MINDY1: variants seen among roughly 807,000 people sequenced by gnomAD.
MINDY1 encodes the protein ubiquitin carboxyl-terminal hydrolase MINDY-1.
Under a neutral mutation model 53.6 loss-of-function variants are expected in MINDY1, and 50 were observed. The ratio of observed to expected loss-of-function variants is 0.93; its 90% CI spans 0.74 to 1.18. The LOEUF (loss-of-function observed/expected upper bound fraction) is 1.18, where lower values mean the gene tolerates loss of function less well. MINDY1 is among the 50% of genes most tolerant of loss of function. MINDY1 has a pLI of 0.00. For synonymous variants in MINDY1, 231 were observed against 234.7 expected, an observed-to-expected ratio of 0.98 and a Z score of 0.14; for missense variants, 484 against 578.6, an observed-to-expected ratio of 0.84 and a Z score of 1.68.
chr1:151,001,392 G>C, intron 3 of MINDY1, 78 bp from the exon 4 acceptor site: 6 of 1,465,034 alleles, frequency 4.1e-6, no homozygotes, highest in Non-Finnish European at 5.7e-6. Flanking sequence ...TGGAGAATGC[G>C]GGTAATGTCA....
At chr1:151,003,757 T>C (rs1672822869) in intron 1 of MINDY1, among the ~76,000 whole-genome samples, 1 of 151,878 alleles carries the variant, frequency 6.6e-6, no homozygotes, top group South Asian at 2.1e-4. Context: ...CAACTTTTCC[T>C]CAGTTCATTT....
At chr1:150,998,807 TC>T (rs986160633) in intron 7 of MINDY1, among the ~76,000 whole-genome samples, 1 of 152,078 alleles carries the variant, frequency 6.6e-6, no homozygotes, top group African/African-American at 2.4e-5. Flanking sequence ...AAGACCCTGC[TC>T]CCCCCATTTC....
At position 151,000,606 on chromosome 1, in the gene MINDY1, C is replaced by T. The variant is rs933131379; in HGVS notation, c.586G>A (p.Asp196Asn). The T allele has an allele frequency of 1.2e-6, 2 of 1,609,274 alleles. No homozygotes were observed. Among genetic ancestry groups the T allele is most frequent in the African/African-American group, 1.3e-5 (1 of 74,610 alleles). ...LQLNFQQNVD[D>N]AMTVLPKLAT... ...AGTTTAGGCAGCACTGTCATTGCAT[C>T]ATCCACATTCTGGGGGTAGAAAAAA... Residue 196 changes from aspartate to asparagine, a missense_variant, in exon 5 of 10, where the codon GAT becomes AAT. Transcript: ENST00000683666.
chr1:151,007,001 A>C (rs1234180653), upstream of MINDY1: 1 of 541,348 alleles, frequency 1.8e-6, no homozygotes, highest in Non-Finnish European at 2.4e-6. Context: ...TGGGTATGGC[A>C]GTCCTTTGCT....
chr1:151,001,838 A>C, intron 2 of MINDY1, 56 bp from the exon 3 acceptor site: 3 of 1,552,416 alleles, frequency 1.9e-6, no homozygotes, highest in Non-Finnish European at 2.6e-6. Context: ...CACTGAAGGA[A>C]GAACCCATGG....
At chr1:151,005,838 CTGGAATTATGG>C (rs1673134839) in intron 1 of MINDY1, among the ~76,000 whole-genome samples, 1 of 152,186 alleles carries the variant, frequency 6.6e-6, no homozygotes, top group African/African-American at 2.4e-5. Context: ...TTCTCTCCAG[CTGGAATTATGG>C]TGGTGAGTGA....
At position 150,999,351 on chromosome 1, in the gene MINDY1, C is replaced by A; in HGVS notation, c.981+18G>T. 2 of 1,613,362 alleles carry A rather than the reference C, an allele frequency of 1.2e-6. No individual in the cohort carries two copies. Among genetic ancestry groups the A allele is most frequent in the Non-Finnish European group, 1.7e-6 (2 of 1,179,452 alleles). Reference sequence around the variant, plus strand: ...GAAATGACAGCACCGCAGCACGCCACCCCCAAACTCGCATTACCTTATGCT... The same window carrying A: ...GAAATGACAGCACCGCAGCACGCCAACCCCAAACTCGCATTACCTTATGCT... On this transcript the variant is annotated intron_variant, in intron 7 of 9. Coordinates refer to ENST00000683666, the MANE Select transcript of MINDY1 (RefSeq NM_001376665.1). This position sits in a 1 kb window ranked among gnomAD's most constrained non-coding sequence, Gnocchi z 4.4.
intron 2 of MINDY1, 62 bp from the exon 3 acceptor site, chr1:151,001,844 C>T: frequency 6.5e-7 from 1 of 1,538,524 alleles, no homozygotes; most frequent in Non-Finnish European, 8.7e-7. Context: ...AGGAAGAACC[C>T]ATGGAAAGGC....
chr1:150,999,625 A>T lies in MINDY1; in HGVS notation c.839-114T>A. On this transcript the variant is annotated intron_variant, in intron 6 of 9. Coordinates refer to ENST00000683666, the MANE Select transcript of MINDY1 (RefSeq NM_001376665.1). The surrounding 1 kb of genome is among the most constrained non-coding windows in gnomAD (Gnocchi z 4.4). ...CCCGGGGGGTCAGTCCCACCTTCTGACGTCCCTTTCTTGAAACCTGGCTGT... is the reference window on the plus strand; with the variant it reads ...CCCGGGGGGTCAGTCCCACCTTCTGTCGTCCCTTTCTTGAAACCTGGCTGT... 1 of 1,387,550 alleles carries T rather than the reference A, an allele frequency of 7.2e-7. No individual in the cohort carries two copies. The highest frequency in any genetic ancestry group is 2.6e-4 in the Middle Eastern group (1 of 3,790). The allele number at this position is 1,387,550 out of a possible 1,614,324, so 86.0% of individuals were successfully genotyped here.
In MINDY1 at chr1:150,997,299, G is replaced by A. The variant is rs745888286; in HGVS notation, c.1398C>T (p.Cys466=). The A allele has an allele frequency of 7.5e-6, 12 of 1,593,824 alleles. No individual in the cohort carries two copies. The highest frequency in any genetic ancestry group is 2.3e-5 in the South Asian group (2 of 88,168). ...CACTGGGGCAGAGCTACAGCAGAAT[G>A]CAGTCTGACTCGTGCTTCGGCCTCT... ...RRQRPKHESD[C]ILL is the part of the protein sequence containing the mutation. The change falls in exon 10 of 10, where the codon TGC becomes TGT. Residue 466 remains cysteine, a synonymous_variant. Coordinates refer to ENST00000683666, the MANE Select transcript of MINDY1 (RefSeq NM_001376665.1).
chr1:150,998,394 A>T, intron 7 of MINDY1, 121 bp from the exon 8 acceptor site: 1 of 915,524 alleles, frequency 1.1e-6, no homozygotes, highest in Non-Finnish European at 1.7e-6. Context: ...TCGCTCTGTC[A>T]TCCAGGCTGG....
chr1:151,001,100 T>C, intron 4 of MINDY1, 150 bp downstream of exon 4: 1 of 811,366 alleles, frequency 1.2e-6, no homozygotes, highest in Non-Finnish European at 2.0e-6. Context: ...ACATATTTTC[T>C]AGGACAAAGA....
chr1:151,002,791 G>C lies in MINDY1; in HGVS notation c.-89-85C>G. ...AAAAGGAATGTAGTGTAGAAGGCTG[G>C]CTAGTGTTTGTGCAGTAACTCCTGG... On this transcript the variant is annotated intron_variant, in intron 1 of 9. Coordinates refer to ENST00000683666, the MANE Select transcript of MINDY1 (RefSeq NM_001376665.1). This position sits in a 1 kb window ranked among gnomAD's most constrained non-coding sequence, Gnocchi z 4.1. The C allele has an allele frequency of 1.4e-6, 2 of 1,472,330 alleles. No homozygotes were observed. Among genetic ancestry groups the C allele is most frequent in the South Asian group, 2.8e-5 (2 of 70,578 alleles). The allele number at this position is 1,472,330 out of a possible 1,614,324, so 91.2% of individuals were successfully genotyped here.
chr1:150,998,824 G>T (rs1250181170), intron 7 of MINDY1, among the ~76,000 whole-genome samples: 1 of 152,168 alleles, frequency 6.6e-6, no homozygotes, highest in African/African-American at 2.4e-5. Flanking sequence ...ATTTCCCATT[G>T]TTCTCTGGGC....
intron 9 of MINDY1, 104 bp downstream of exon 9, chr1:150,997,518 TGA>T (rs1415819431): frequency 1.3e-6 from 2 of 1,582,076 alleles, no homozygotes; most frequent in South Asian, 2.3e-5. Context: ...GGAAGGACTC[TGA>T]GAGAAGAAAC....
intron 7 of MINDY1, among the ~76,000 whole-genome samples, 193 bp from the exon 8 acceptor site, chr1:150,998,466 T>C (rs1293299561): frequency 6.6e-6 from 1 of 152,216 alleles, no homozygotes; most frequent in East Asian, 1.9e-4. Context: ...ACCATTCTCC[T>C]GCCTCAGCCT....
chr1:151,006,675 C>T lies in MINDY1; in HGVS notation c.-453G>A. ...GGAAGTTTGTGGTTTTTCTTTTCTTCTCTCTCTCTTTTTTGTTCTCATCAG... is the reference window on the plus strand; with the variant it reads ...GGAAGTTTGTGGTTTTTCTTTTCTTTTCTCTCTCTTTTTTGTTCTCATCAG... On this transcript the variant is annotated 5_prime_UTR_variant, in exon 1 of 10. Transcript: ENST00000683666. The T allele has an allele frequency of 1.0e-6, 1 of 986,012 alleles. No homozygotes were observed. The highest frequency in any genetic ancestry group is 1.2e-6 in the Non-Finnish European group (1 of 830,342). 61.1% of individuals were successfully genotyped at this position (986,012 alleles called of 1,614,324 possible). A position where few individuals can be genotyped will look rare whatever the true frequency, so the allele number is the denominator to read the frequency against.
intron 4 of MINDY1, 21 bp downstream of exon 4, chr1:151,001,229 C>T (rs774617350): frequency 1.2e-6 from 2 of 1,613,486 alleles, no homozygotes; most frequent in Non-Finnish European, 1.7e-6. Context: ...AACCCCTATG[C>T]CTGCAGACCT....
rs1166814275 is a variant in MINDY1 at position 151,001,242 on chromosome 1, T to G, written c.576+8A>C. On this transcript the variant is annotated splice_region_variant and intron_variant, in intron 4 of 9. Transcript: ENST00000683666. ...CAAACCCCTATGCCTGCAGACCTTT[T>G]GCCTCACCTGCTGAAAATTAAGCTG... 2 of 1,614,224 alleles carry G rather than the reference T, an allele frequency of 1.2e-6. No individual in the cohort carries two copies. The highest frequency in any genetic ancestry group is 1.3e-5 in the African/African-American group (1 of 75,062).
Sources: allele counts gnomAD v4.1 joint callset (sites outside exome capture counted in the v4.1 genomes callset), GRCh38; gene constraint gnomAD v4.1.1; non-coding constraint Gnocchi (gnomAD v3.1); transcripts MANE v1.5; gene names NCBI Gene and HGNC (gene_info 2026-07-23, HGNC 2026-07-21).